The following CDH4 variants were observed in gnomAD, a reference collection of about 807,000 sequenced individuals.
CDH4 encodes cadherin 4.
CDH4 carries 33 observed loss-of-function variants against 86.0 expected under a neutral mutation model. That is an observed-to-expected ratio of 0.38 (90% CI 0.29 to 0.51). CDH4 has a LOEUF of 0.51. Among genes scored for constraint, CDH4 ranks in the 20% least tolerant of loss-of-function variants. CDH4 has a pLI of 0.86. For missense variants in CDH4, 1,114 were observed against 1,307.4 expected (o/e 0.85, Z 2.28); for synonymous variants, 555 against 549.4 (o/e 1.01, Z -0.14).
chr20:61,746,852 G>A (rs1293248099), intron 3 of CDH4, among the ~76,000 whole-genome samples: 1 of 152,220 alleles, frequency 6.6e-6, no homozygotes, highest in Non-Finnish European at 1.5e-5. Flanking sequence ...TGGCATGGGG[G>A]CAGGAGGAGG....
At chr20:61,330,394 T>G (rs962515340) in intron 2 of CDH4, among the ~76,000 whole-genome samples, 5 of 152,230 alleles carry the variant, frequency 3.3e-5, no homozygotes, top group African/African-American at 1.2e-4. Flanking sequence ...TGTTTGACTC[T>G]AATAATCGCC....
At chr20:61,595,757 G>A (rs772803900) in intron 2 of CDH4, among the ~76,000 whole-genome samples, 6 of 152,244 alleles carry the variant, frequency 3.9e-5, no homozygotes, top group Non-Finnish European at 8.8e-5. Flanking sequence ...ACACTGCAGA[G>A]CTGGGCCACT....
At chr20:61,795,494 T>TGAAAATGGGAGCCCCCCAGGAC (rs1183422125) in intron 4 of CDH4, among the ~76,000 whole-genome samples, 2 of 151,670 alleles carry the variant, frequency 1.3e-5, no homozygotes, top group East Asian at 3.9e-4. Flanking sequence ...ACACTCAGGG[T>TGAAAATGGGAGCCCCCCAGGAC]GACAATGGGA....
chr20:61,845,163 G>A (rs979661680), intron 5 of CDH4, among the ~76,000 whole-genome samples: 1 of 152,224 alleles, frequency 6.6e-6, no homozygotes, highest in African/African-American at 2.4e-5. Context: ...TGCGGGGCTG[G>A]GAGTCAGGGT....
chr20:61,659,391 G>A (rs1411990600), intron 2 of CDH4, among the ~76,000 whole-genome samples: 1 of 145,312 alleles, frequency 6.9e-6, no homozygotes, highest in African/African-American at 2.8e-5. Context: ...AAGAAACAAA[G>A]AACAAGTGCA....
intron 2 of CDH4, among the ~76,000 whole-genome samples, chr20:61,512,314 C>A (rs896804275): frequency 6.6e-6 from 1 of 152,164 alleles, no homozygotes; most frequent in Non-Finnish European, 1.5e-5. Flanking sequence ...AAAGAAAAGA[C>A]CTCGAGAGTT....
chr20:61,683,374 C>T lies in CDH4; in HGVS notation c.170-60189C>T, dbSNP rs143091313. Among the ~76,000 whole-genome samples the T allele has an allele frequency of 9.5e-4, 144 of 152,318 alleles. 3 individuals are homozygous for T. The East Asian group carries it at 0.027, about 28-fold the overall frequency. On this transcript the variant is annotated intron_variant, in intron 2 of 15. Coordinates refer to ENST00000614565, the MANE Select transcript of CDH4 (RefSeq NM_001794.5). Reference sequence around the variant, plus strand: ...AGTTTCTGCTTCACAAAGAAAGTCTCCAGCAAAATCTACTGTACCCTGCAG... The same window carrying T: ...AGTTTCTGCTTCACAAAGAAAGTCTTCAGCAAAATCTACTGTACCCTGCAG...
At chr20:61,495,562 C>T (rs770084384) in intron 2 of CDH4, among the ~76,000 whole-genome samples, 39 of 152,206 alleles carry the variant, frequency 2.6e-4, no homozygotes, top group Middle Eastern at 3.4e-3. Flanking sequence ...GCAGCCTGGG[C>T]GACAGAGCAA....
At chr20:61,383,117 A>T (rs1306844080) in intron 2 of CDH4, among the ~76,000 whole-genome samples, 203 of 84,498 alleles carry the variant, frequency 2.4e-3, no homozygotes, top group African/African-American at 2.8e-3. Context: ...TATATATAGA[A>T]TATATATGAA....
rs574777101 is a variant in CDH4 at position 61,900,006 on chromosome 20, G to A, written c.1188+4959G>A. 2.7e-4 allele frequency among the ~76,000 whole-genome samples: 41 copies of A among 152,294 alleles called. No individual in the cohort carries two copies. In the East Asian group the frequency reaches 3.7e-3, roughly 14 times the overall value. ...CTTCTGGAAGTTCCCTCCCCAAGCC[G>A]CCCGAGGATGCTGCCTGCGGTCCCT... On this transcript the variant is annotated intron_variant, in intron 8 of 15. Coordinates refer to ENST00000614565, the MANE Select transcript of CDH4 (RefSeq NM_001794.5).
At chr20:61,661,946 G>A (rs941032240) in intron 2 of CDH4, among the ~76,000 whole-genome samples, 1 of 152,136 alleles carries the variant, frequency 6.6e-6, no homozygotes, top group Non-Finnish European at 1.5e-5. Context: ...GGTCCACAGG[G>A]CCTCCCTTTG....
chr20:61,429,533 G>A (rs895502570), intron 2 of CDH4, among the ~76,000 whole-genome samples: 9 of 152,304 alleles, frequency 5.9e-5, no homozygotes, highest in Non-Finnish European at 1.2e-4. Context: ...GTAGATGGGT[G>A]GGTGTGTGAG....
intron 2 of CDH4, among the ~76,000 whole-genome samples, chr20:61,374,727 T>C (rs2084857356): frequency 6.6e-6 from 1 of 152,188 alleles, no homozygotes; most frequent in African/African-American, 2.4e-5. Flanking sequence ...CTCTAGAATT[T>C]AACCTGAAAG....
intron 2 of CDH4, among the ~76,000 whole-genome samples, chr20:61,511,262 C>T (rs2427146): frequency 0.57 from 86,375 of 152,044 alleles, 25,343 homozygotes; most frequent in African/African-American, 0.71. Flanking sequence ...GGAGTGTCAG[C>T]CCCACTTCAC....
At chr20:61,748,202 A>G (rs2088443322) in intron 3 of CDH4, among the ~76,000 whole-genome samples, 1 of 152,146 alleles carries the variant, frequency 6.6e-6, no homozygotes, top group Non-Finnish European at 1.5e-5. Flanking sequence ...GCGCAATCTC[A>G]GCTCACTGCA....
In CDH4 at chr20:61,520,052, A is replaced by G. The variant is rs145369966; in HGVS notation, c.170-223511A>G. ...TGTGTCAGTTTCTAGGCTATTGACT[A>G]TCCATTGATCTGCCTGCGGGTTTCT... On this transcript the variant is annotated intron_variant, in intron 2 of 15. Transcript: ENST00000614565. Among the ~76,000 whole-genome samples, 336 of 152,288 alleles carry G rather than the reference A, an allele frequency of 2.2e-3. 2 individuals carry two copies. The highest frequency in any genetic ancestry group is 3.7e-3 in the Non-Finnish European group (249 of 68,028).
At chr20:61,354,396 G>A (rs1277257945) in intron 2 of CDH4, among the ~76,000 whole-genome samples, 1 of 152,176 alleles carries the variant, frequency 6.6e-6, no homozygotes, top group African/African-American at 2.4e-5. Flanking sequence ...CCTGACAAGG[G>A]CTCTCGAGAT....
chr20:61,558,620 G>A (rs563100549), intron 2 of CDH4, among the ~76,000 whole-genome samples: 19 of 152,338 alleles, frequency 1.2e-4, no homozygotes, highest in African/African-American at 4.3e-4. Context: ...AATGAAGGTC[G>A]TGGTAGTGAT....
At chr20:61,314,624 T>A (rs1382557810) in intron 2 of CDH4, among the ~76,000 whole-genome samples, 2 of 152,230 alleles carry the variant, frequency 1.3e-5, no homozygotes, top group Non-Finnish European at 2.9e-5. Context: ...TCATTTCCTC[T>A]GGATAGATGC....
Sources: gnomAD v4.1 joint callset for allele counts (sites outside exome capture counted in the v4.1 genomes callset) on GRCh38, gnomAD v4.1.1 for gene constraint, MANE v1.5 for transcripts, NCBI Gene and HGNC (gene_info 2026-07-23, HGNC 2026-07-21) for gene names.